The following KMT2A variants were observed in gnomAD, a reference collection of about 807,000 sequenced individuals.
KMT2A encodes lysine methyltransferase 2A, also known as histone-lysine N-methyltransferase 2A.
KMT2A carries 16 observed loss-of-function variants against 345.3 expected under a neutral mutation model. The ratio of observed to expected loss-of-function variants is 0.05; its 90% CI spans 0.03 to 0.07. KMT2A has a LOEUF of 0.07. Ranked by LOEUF, KMT2A falls within the 10% of genes least tolerant of loss-of-function variation. The pLI, the probability that KMT2A is intolerant of heterozygous loss-of-function variation, is 1.00. For synonymous variants in KMT2A, 1,599 were observed against 1,778.6 expected (o/e 0.90, Z 2.54); for missense variants, 3,272 against 4,841.6 (o/e 0.68, Z 9.62).
rs1950435558 is a variant in KMT2A, at chr11:118,497,902, T to G, written c.5665-34T>G. The G allele has an allele frequency of 1.3e-6, 2 of 1,571,704 alleles. No homozygotes were observed. The highest frequency in any genetic ancestry group is 1.7e-6 in the Non-Finnish European group (2 of 1,143,562). The stretch of plus-strand genomic sequence containing the variant: ...AGGAAAACCTCCTTTGGCATTATAT[T>G]CTTTAGGAAAAAAGAAATCTCTTTA... On this transcript the variant is annotated intron_variant, in intron 20 of 35. Transcript: ENST00000534358. This position sits in a 1 kb window ranked among gnomAD's most constrained non-coding sequence, Gnocchi z 4.8.
chr11:118,443,662 A>G (rs561350981), intron 1 of KMT2A, among the ~76,000 whole-genome samples: 3 of 152,360 alleles, frequency 2.0e-5, no homozygotes, highest in South Asian at 4.1e-4. Flanking sequence ...TATAAGAGTT[A>G]GTTGGCAGTT....
Position 118,501,854 on chromosome 11 carries a change from G to A in KMT2A, c.6502G>A (p.Ala2168Thr), listed in dbSNP as rs372995209. Residue 2168 changes from alanine (A) to threonine (T), a missense_variant, in exon 26 of 36, where the codon GCA (alanine) becomes ACA (threonine). Physicochemically the swap from Ala to Thr is moderately conservative, Grantham distance 58 (BLOSUM62 0). This residue lies in a region of KMT2A where 14 missense variants were observed against 38.4 expected (regional missense o/e 0.36). Coordinates refer to ENST00000534358, the MANE Select transcript of KMT2A (RefSeq NM_001197104.2). ...CCCTGGCTGTCGACCGTTGCCTTCT[G>A]CAGGTAAAAGACTTTATTGACCTAC... ...RSPGCRPLPSAGSPTPTTHEI... is the reference protein window; with the variant it reads ...RSPGCRPLPSTGSPTPTTHEI... 2 of 1,610,832 alleles carry A rather than the reference G, an allele frequency of 1.2e-6. No individual in the cohort carries two copies. Among genetic ancestry groups the A allele is most frequent in the Non-Finnish European group, 1.7e-6 (2 of 1,178,872 alleles).
Position 118,478,109 on chromosome 11 carries a change from C to G in KMT2A, c.3477C>G (p.Pro1159=), listed in dbSNP as rs537074714. ...GATCGAGGCGGTGTGGGCAGTGTCC[C>G]GGCTGCCAGGTGCCTGAGGACTGTG... ...GRRSRRCGQC[P]GCQVPEDCGV... Residue 1159 remains proline (P), a synonymous_variant, in exon 5 of 36, where the codon CCC becomes CCG. Transcript: ENST00000534358. 2 of 1,614,076 alleles carry G rather than the reference C, an allele frequency of 1.2e-6. No homozygotes were observed. The highest frequency in any genetic ancestry group is 1.7e-6 in the Non-Finnish European group (2 of 1,180,008).
rs9332797 is a variant in KMT2A, at chr11:118,484,124, G to A, written c.4087-59G>A. 5,155 of 1,522,042 alleles carry A rather than the reference G, an allele frequency of 3.4e-3. 12 individuals carry two copies. The highest frequency in any genetic ancestry group is 4.2e-3 in the Non-Finnish European group (4,637 of 1,114,570). 94.3% of individuals were successfully genotyped at this position (1,522,042 alleles called of 1,614,324 possible). On this transcript the variant is annotated intron_variant, in intron 8 of 35. Coordinates refer to ENST00000534358, the MANE Select transcript of KMT2A (RefSeq NM_001197104.2). The surrounding 1 kb of genome is among the most constrained non-coding windows in gnomAD (Gnocchi z 4.1). ...TTTGTCATTTGCATTATTATCTGTT[G>A]CAAATGTGAAGGCAAATAGGGTGTG...
At chr11:118,455,759 G>A (rs541584165) in intron 1 of KMT2A, among the ~76,000 whole-genome samples, 4 of 151,170 alleles carry the variant, frequency 2.6e-5, no homozygotes, top group African/African-American at 4.9e-5. Flanking sequence ...GTTCAGTGGC[G>A]CAATCATGGC....
At chr11:118,480,438 A>G (rs892104252) in intron 6 of KMT2A, among the ~76,000 whole-genome samples, 200 bp downstream of exon 6, 3 of 152,100 alleles carry the variant, frequency 2.0e-5, no homozygotes, top group Non-Finnish European at 4.4e-5. Context: ...AATTTTCCAT[A>G]ATAAATTTTT....
chr11:118,466,196 G>T (rs1336245082), intron 1 of KMT2A, among the ~76,000 whole-genome samples: 1 of 152,042 alleles, frequency 6.6e-6, no homozygotes, highest in African/African-American at 2.4e-5. Context: ...GCTGAGTGCT[G>T]GTACATGCCT....
rs141164463 is a variant in KMT2A, at chr11:118,462,993, A to C, written c.433-5782A>C. Reference sequence around the variant, plus strand: ...GTTAAACTGCCTGACAGCTCAGTGGAACTCTTGTTTTGGAATACATTGCAG... The same window carrying C: ...GTTAAACTGCCTGACAGCTCAGTGGCACTCTTGTTTTGGAATACATTGCAG... On this transcript the variant is annotated intron_variant, in intron 1 of 35. Transcript: ENST00000534358. Among the ~76,000 whole-genome samples, 371 of 152,324 alleles carry C rather than the reference A, an allele frequency of 2.4e-3. 1 individual carries two copies. The highest frequency in any genetic ancestry group is 8.2e-3 in the African/African-American group (342 of 41,572).
At chr11:118,445,509 T>C (rs782424015) in intron 1 of KMT2A, among the ~76,000 whole-genome samples, 54 of 152,342 alleles carry the variant, frequency 3.5e-4, no homozygotes, top group Middle Eastern at 3.4e-3. Flanking sequence ...TAGTCTATAC[T>C]TGATGACATT....
rs1308582766 is a variant in KMT2A at position 118,496,974 on chromosome 11, G to T, written c.5664+607G>T. 6.6e-6 allele frequency among the ~76,000 whole-genome samples: 1 copy of T among 151,986 alleles called. No individual in the cohort carries two copies. Among genetic ancestry groups the T allele is most frequent in the Admixed American group, 6.6e-5 (1 of 15,262 alleles). ...TTTTTAAAAGTTTTTTGTGTTTTTT[G>T]TTTTGTTTTGTTTTGTTTTTTTGAG... On this transcript the variant is annotated intron_variant, in intron 20 of 35. Coordinates refer to ENST00000534358, the MANE Select transcript of KMT2A (RefSeq NM_001197104.2). The surrounding 1 kb of genome is among the most constrained non-coding windows in gnomAD (Gnocchi z 4.7).
Position 118,495,848 on chromosome 11 carries a change from C to G in KMT2A, c.5512C>G (p.Pro1838Ala). The G allele has an allele frequency of 6.2e-7, 1 of 1,614,024 alleles. No individual in the cohort carries two copies. The highest frequency in any genetic ancestry group is 8.5e-7 in the Non-Finnish European group (1 of 1,179,972). ...PAPKPKGPGE[P>A]DSPTPLHPPT... ...TCCCAAACCCAAAGGTCCTGGAGAA[C>G]CAGACTCACCAACTCCTCTGCATCC... The change falls in exon 19 of 36, where the codon CCA becomes GCA. Residue 1838 changes from proline (P) to alanine (A), a missense_variant. Physicochemically the swap from Pro to Ala is conservative, Grantham distance 27. Around this residue, in one of 27 missense-constraint regions of KMT2A, gnomAD observed 235 missense variants for 503.4 expected, o/e 0.47. Transcript: ENST00000534358. This position sits in a 1 kb window ranked among gnomAD's most constrained non-coding sequence, Gnocchi z 4.1.
At chr11:118,488,413 G>A (rs1269731442) in intron 10 of KMT2A, 2 of 638,842 alleles carry the variant, frequency 3.1e-6, no homozygotes, top group African/African-American at 1.8e-5. Context: ...ATTTCCACTG[G>A]TATTACCACT....
intron 1 of KMT2A, among the ~76,000 whole-genome samples, chr11:118,438,512 G>A (rs1949247026): frequency 6.6e-6 from 1 of 151,814 alleles, no homozygotes; most frequent in Non-Finnish European, 1.5e-5. Context: ...AGGGGGGTAG[G>A]GGGTTGCTGC....
rs1324533864 is a variant in KMT2A at position 118,496,989 on chromosome 11, G to GT, written c.5664+629dup. Among the ~76,000 whole-genome samples the GT allele has an allele frequency of 2.6e-5, 4 of 151,904 alleles. No homozygotes were observed. The highest frequency in any genetic ancestry group is 1.9e-4 in the East Asian group (1 of 5,188). On this transcript the variant is annotated intron_variant, in intron 20 of 35. Transcript: ENST00000534358. The surrounding 1 kb of genome is among the most constrained non-coding windows in gnomAD (Gnocchi z 4.7). Reference sequence around the variant, plus strand: ...TGTGTTTTTTGTTTTGTTTTGTTTTGTTTTTTTGAGCGGAGTTTCGCTCTT... The same window carrying GT: ...TGTGTTTTTTGTTTTGTTTTGTTTTGTTTTTTTTGAGCGGAGTTTCGCTCTT...
In KMT2A at chr11:118,521,395, G is replaced by A. The variant is rs140845031; in HGVS notation, c.11621G>A (p.Arg3874Gln). 2 of 1,613,946 alleles carry A rather than the reference G, an allele frequency of 1.2e-6. No homozygotes were observed. The highest frequency in any genetic ancestry group is 1.7e-6 in the Non-Finnish European group (2 of 1,180,022). Residue 3874 changes from arginine to glutamine, a missense_variant, in exon 35 of 36, where the codon CGG (arginine) becomes CAG (glutamine). Coordinates refer to ENST00000534358, the MANE Select transcript of KMT2A (RefSeq NM_001197104.2). The surrounding 1 kb of genome is among the most constrained non-coding windows in gnomAD (Gnocchi z 5.3). ...ATCCGCTCCATCCAGACTGACAAGCGGGAAAAGTATTACGACAGCAAGGTA... is the reference window on the plus strand; with the variant it reads ...ATCCGCTCCATCCAGACTGACAAGCAGGAAAAGTATTACGACAGCAAGGTA... ...NVIRSIQTDKREKYYDSKGIG... is the reference protein window; with the variant it reads ...NVIRSIQTDKQEKYYDSKGIG...
chr11:118,442,121 C>T (rs1949327402), intron 1 of KMT2A, among the ~76,000 whole-genome samples: 1 of 152,204 alleles, frequency 6.6e-6, no homozygotes, highest in Admixed American at 6.5e-5. Context: ...CACAGAGCTT[C>T]AGCTTCCTTC....
chr11:118,496,999 G>A lies in KMT2A; in HGVS notation c.5664+632G>A, dbSNP rs1388330578. ...GTTTTGTTTTGTTTTGTTTTTTTGA[G>A]CGGAGTTTCGCTCTTGTTGCCCAGG... On this transcript the variant is annotated intron_variant, in intron 20 of 35. Coordinates refer to ENST00000534358, the MANE Select transcript of KMT2A (RefSeq NM_001197104.2). The surrounding 1 kb of genome is among the most constrained non-coding windows in gnomAD (Gnocchi z 4.7). 6.6e-6 allele frequency among the ~76,000 whole-genome samples: 1 copy of A among 151,840 alleles called. No homozygotes were observed. Among genetic ancestry groups the A allele is most frequent in the Non-Finnish European group, 1.5e-5 (1 of 67,966 alleles).
At position 118,481,906 on chromosome 11, in the gene KMT2A, G is replaced by A. The variant is rs781925449; in HGVS notation, c.3826G>A (p.Val1276Ile). 5.2e-5 allele frequency: 84 copies of A among 1,614,106 alleles called. No homozygotes were observed. Among genetic ancestry groups the A allele is most frequent in the African/African-American group, 8.0e-5 (6 of 74,944 alleles). The change falls in exon 7 of 36, where the codon GTC (valine) becomes ATC (isoleucine). Residue 1276 changes from valine (V) to isoleucine (I), a missense_variant. Around this residue, in one of 27 missense-constraint regions of KMT2A, gnomAD observed 168 missense variants for 216.0 expected, o/e 0.78. Transcript: ENST00000534358. ...CGAGGAAAAGAGTGAAGAAGGGAAT[G>A]TCTCGGCCCCTGGGCCTGAATCCAA... is the stretch of plus-strand genomic sequence containing the variant. ...PVEEKSEEGN[V>I]SAPGPESKQA...
In KMT2A at chr11:118,497,652, C is replaced by T. The variant is rs782350135; in HGVS notation, c.5665-284C>T. The stretch of plus-strand genomic sequence containing the variant: ...GGCTCAAGCGATCCTACCACTTCAG[C>T]CTCCAAAAGTGCTGGGATTACAGAC... On this transcript the variant is annotated intron_variant, in intron 20 of 35. Coordinates refer to ENST00000534358, the MANE Select transcript of KMT2A (RefSeq NM_001197104.2). This position sits in a 1 kb window ranked among gnomAD's most constrained non-coding sequence, Gnocchi z 4.8. Among the ~76,000 whole-genome samples the T allele has an allele frequency of 3.9e-5, 6 of 152,118 alleles. No individual in the cohort carries two copies. Among genetic ancestry groups the T allele is most frequent in the African/African-American group, 9.7e-5 (4 of 41,422 alleles).
Sources: gnomAD v4.1 joint callset for allele counts (sites outside exome capture counted in the v4.1 genomes callset) on GRCh38, gnomAD v4.1.1 for gene constraint, gnomAD v4.1.1 regional missense constraint, Gnocchi (gnomAD v3.1) non-coding constraint, MANE v1.5 for transcripts, NCBI Gene and HGNC (gene_info 2026-07-23, HGNC 2026-07-21) for gene names.